The following CYP20A1 variants were observed in gnomAD, a reference collection of about 807,000 sequenced individuals.
CYP20A1 encodes the protein cytochrome P450 20A1.
In CYP20A1, 61 loss-of-function variants were observed where a neutral mutation model predicts 61.4. The observed-to-expected ratio is 0.99, with a 90% CI of 0.81 to 1.23. The LOEUF is 1.23. Among genes scored for constraint, CYP20A1 ranks in the 50% most tolerant of loss-of-function variants. The pLI is 0.00. For missense variants in CYP20A1, 530 were observed against 542.4 expected, an observed-to-expected ratio of 0.98 and a Z score of 0.23; for synonymous variants, 193 against 188.2, an observed-to-expected ratio of 1.03 and a Z score of -0.21.
intron 4 of CYP20A1, among the ~76,000 whole-genome samples, chr2:203,265,008 C>T (rs1252061495): frequency 6.6e-6 from 1 of 152,170 alleles, no homozygotes; most frequent in African/African-American, 2.4e-5. Context: ...AGATTACAGG[C>T]GTGAGCCACT....
In CYP20A1 at chr2:203,304,204, T is replaced by A. The variant is rs1056173851; in HGVS notation, c.*7296T>A. Among the ~76,000 whole-genome samples the A allele has an allele frequency of 4.0e-5, 6 of 151,802 alleles. No homozygotes were observed. The highest frequency in any genetic ancestry group is 1.5e-4 in the African/African-American group (6 of 41,332). On this transcript the variant is annotated 3_prime_UTR_variant, in exon 13 of 13. Transcript: ENST00000356079. ...TCCAGCCTAGGTGACAGAGTGAGAC[T>A]CCATAGGTCTCAGCCAGACTCTGGA...
At position 203,271,071 on chromosome 2, in the gene CYP20A1, TATATATATATA is replaced by T. The variant is rs1213811709; in HGVS notation, c.601-1598_601-1588del. 7.4e-4 allele frequency among the ~76,000 whole-genome samples: 63 copies of T among 84,974 alleles called. 1 individual carries two copies. The highest frequency in any genetic ancestry group is 1.2e-3 in the Non-Finnish European group (49 of 42,448). 55.7% of individuals were successfully genotyped at this position (84,974 alleles called of 152,430 possible). A position where few individuals can be genotyped will look rare whatever the true frequency, so the allele number is the denominator to read the frequency against. ...GTATATGTGTATATATATATATATATATATATATATATTTTTTTTTTTTTTTTTTTTTTTGA... is the reference window on the plus strand; with the variant it reads ...GTATATGTGTATATATATATATATATTTTTTTTTTTTTTTTTTTTTTTTGA... On this transcript the variant is annotated intron_variant, in intron 5 of 12. Transcript: ENST00000356079.
intron 11 of CYP20A1, among the ~76,000 whole-genome samples, chr2:203,294,397 TGTG>T (rs1045558395): frequency 6.6e-6 from 1 of 151,236 alleles, no homozygotes; most frequent in Non-Finnish European, 1.5e-5. Flanking sequence ...ATTAGCCAGG[TGTG>T]GTGGCGCATG....
intron 3 of CYP20A1, among the ~76,000 whole-genome samples, chr2:203,251,658 A>G (rs2066674114): frequency 6.7e-6 from 1 of 149,624 alleles, no homozygotes; most frequent in Admixed American, 6.8e-5. Flanking sequence ...AATCCTAGCT[A>G]CTTGGGAGGC....
At chr2:203,285,867 A>C in intron 9 of CYP20A1, 135 bp downstream of exon 9, 1 of 741,550 alleles carries the variant, frequency 1.3e-6, no homozygotes, top group East Asian at 3.3e-5. Flanking sequence ...AGATTTTATT[A>C]GGTAAATGAA....
rs1195379376 is a variant in CYP20A1 at position 203,280,068 on chromosome 2, G to A, written c.805G>A (p.Asp269Asn). ...TAGTTTTGTTTCCTAGATCCTAGAA[G>A]ACAGTATGATATTTTCTCTGGCCAG... ...GNLNDQQILE[D>N]SMIFSLASCI... The change falls in exon 8 of 13, where the codon GAC becomes AAC. Residue 269 changes from aspartate (D) to asparagine (N), a missense_variant. Physicochemically the swap from Asp to Asn is conservative, Grantham distance 23. Transcript: ENST00000356079. 1.9e-6 allele frequency: 3 copies of A among 1,606,342 alleles called. No homozygotes were observed. Among genetic ancestry groups the A allele is most frequent in the African/African-American group, 2.7e-5 (2 of 74,702 alleles).
chr2:203,300,255 CAT>C lies in CYP20A1; in HGVS notation c.*3348_*3349del, dbSNP rs2068967986. Among the ~76,000 whole-genome samples the C allele has an allele frequency of 6.6e-6, 1 of 152,196 alleles. No homozygotes were observed. Among genetic ancestry groups the C allele is most frequent in the Non-Finnish European group, 1.5e-5 (1 of 68,032 alleles). ...AATTAGTATGTTTTATCCATAGTTA[CAT>C]GACTAACAAATGATTAAAAAGAAGT... On this transcript the variant is annotated 3_prime_UTR_variant, in exon 13 of 13. Coordinates refer to ENST00000356079, the MANE Select transcript of CYP20A1 (RefSeq NM_177538.3).
intron 9 of CYP20A1, among the ~76,000 whole-genome samples, chr2:203,289,292 C>A (rs2068431663): frequency 1.3e-5 from 2 of 152,018 alleles, no homozygotes; most frequent in Admixed American, 1.3e-4. Context: ...ATTTTAATTA[C>A]TTTTAAAGAG....
chr2:203,286,043 C>T (rs1289358898), intron 9 of CYP20A1, among the ~76,000 whole-genome samples: 1 of 152,146 alleles, frequency 6.6e-6, no homozygotes. Context: ...CGTGGTGGCT[C>T]ACACCTGTAA....
chr2:203,256,009 G>C (rs1165451811), intron 4 of CYP20A1, among the ~76,000 whole-genome samples: 10 of 152,098 alleles, frequency 6.6e-5, no homozygotes, highest in Non-Finnish European at 1.0e-4. Context: ...TGTTGCCTAG[G>C]CTGTAGTGCA....
At chr2:203,241,690 A>G (rs1213290130) in intron 1 of CYP20A1, among the ~76,000 whole-genome samples, 1 of 152,248 alleles carries the variant, frequency 6.6e-6, no homozygotes, top group Non-Finnish European at 1.5e-5. Flanking sequence ...TTTAAGAGAC[A>G]GAGTCTCACT....
At chr2:203,243,014 C>T (rs1256152912) in intron 1 of CYP20A1, among the ~76,000 whole-genome samples, 3 of 152,208 alleles carry the variant, frequency 2.0e-5, no homozygotes, top group Admixed American at 1.3e-4. Context: ...TGACTAGTCT[C>T]ATTTTAATTC....
chr2:203,243,288 C>T (rs771985148), intron 1 of CYP20A1, among the ~76,000 whole-genome samples: 2 of 151,938 alleles, frequency 1.3e-5, no homozygotes, highest in Admixed American at 6.6e-5. Context: ...AGAGTACAGG[C>T]GTGTGCCACC....
intron 1 of CYP20A1, among the ~76,000 whole-genome samples, chr2:203,245,069 G>T (rs2066413383): frequency 7.8e-6 from 1 of 128,722 alleles, no homozygotes. Context: ...TTGCTCTGTT[G>T]CCCAGGCTGT....
rs138986720 is a variant in CYP20A1 at position 203,248,913 on chromosome 2, G to A, written c.289+1992G>A. ...TTTAGTGGAGATGAGGTCTTGCTAC[G>A]TTGCCCAGGCTGGCCTCCAACTCCT... On this transcript the variant is annotated intron_variant, in intron 3 of 12. Transcript: ENST00000356079. Among the ~76,000 whole-genome samples the A allele has an allele frequency of 4.0e-4, 61 of 152,192 alleles. No individual in the cohort carries two copies. The East Asian group carries it at 7.0e-3, about 17-fold the overall frequency.
At chr2:203,262,695 T>C (rs867719397) in intron 4 of CYP20A1, among the ~76,000 whole-genome samples, 3 of 152,056 alleles carry the variant, frequency 2.0e-5, no homozygotes, top group Non-Finnish European at 4.4e-5. Context: ...GTTGTTTGTT[T>C]TTTGTTTTTT....
In CYP20A1 at chr2:203,303,653, C is replaced by T. The variant is rs910198542; in HGVS notation, c.*6745C>T. On this transcript the variant is annotated 3_prime_UTR_variant, in exon 13 of 13. Transcript: ENST00000356079. ...GAGGTTGCAGTGAGCCGAGATCGCG[C>T]CATTGCACTCCAGTGTGGGTGACGA... Among the ~76,000 whole-genome samples the T allele has an allele frequency of 5.3e-5, 8 of 151,804 alleles. No individual in the cohort carries two copies. The highest frequency in any genetic ancestry group is 1.0e-4 in the Non-Finnish European group (7 of 67,960).
At chr2:203,258,888 AC>A (rs2067020800) in intron 4 of CYP20A1, among the ~76,000 whole-genome samples, 1 of 152,204 alleles carries the variant, frequency 6.6e-6, no homozygotes, top group Admixed American at 6.5e-5. Flanking sequence ...CTGCTTAAAT[AC>A]CCAACATTTG....
chr2:203,243,626 C>T (rs1436360228), intron 1 of CYP20A1, among the ~76,000 whole-genome samples: 8 of 151,586 alleles, frequency 5.3e-5, no homozygotes, highest in African/African-American at 1.9e-4. Flanking sequence ...TCAAGTGATC[C>T]GCCCACCTTG....
Sources: allele counts gnomAD v4.1 joint callset (sites outside exome capture counted in the v4.1 genomes callset), GRCh38; gene constraint gnomAD v4.1.1; transcripts MANE v1.5; gene names NCBI Gene and HGNC (gene_info 2026-07-23, HGNC 2026-07-21).